RHOA: variants seen among roughly 807,000 people sequenced by gnomAD.
RHOA encodes ras homolog family member A, also known as transforming protein RhoA.
Under a neutral mutation model 17.5 loss-of-function variants are expected in RHOA, and 3 were observed. That is an observed-to-expected ratio of 0.17 (90% CI 0.08 to 0.44). RHOA has a LOEUF of 0.44. Among genes scored for constraint, RHOA ranks in the 20% least tolerant of loss-of-function variants. RHOA has a pLI of 0.99. For missense variants in RHOA, 56 were observed against 242.3 expected, an observed-to-expected ratio of 0.23 and a Z score of 5.10; for synonymous variants, 98 against 88.4, an observed-to-expected ratio of 1.11 and a Z score of -0.61.
chr3:49,383,614 T>G (rs761393883), intron 1 of RHOA, among the ~76,000 whole-genome samples: 2 of 152,110 alleles, frequency 1.3e-5, no homozygotes, highest in African/African-American at 2.4e-5. Flanking sequence ...CTCCATTCCT[T>G]CCGGGTGCTC....
At chr3:49,408,151 T>C (rs2048866378) in intron 1 of RHOA, among the ~76,000 whole-genome samples, 1 of 131,384 alleles carries the variant, frequency 7.6e-6, no homozygotes, top group South Asian at 2.6e-4. Flanking sequence ...AGAGTGAGAC[T>C]CAGTCTCAAA....
In RHOA at chr3:49,383,199, C is replaced by T. The variant is rs545019087; in HGVS notation, c.-2-7608G>A. Among the ~76,000 whole-genome samples the T allele has an allele frequency of 4.0e-5, 6 of 151,570 alleles. No homozygotes were observed. The East Asian group carries it at 9.8e-4, about 25-fold the overall frequency. On this transcript the variant is annotated intron_variant, in intron 1 of 4. Transcript: ENST00000418115. ...CTGTAATTCCAGCACTTTGGGAGGC[C>T]GAGGCGGGCAGATCACGAGGTCAGG...
At chr3:49,389,815 T>C (rs1028481581) in intron 1 of RHOA, among the ~76,000 whole-genome samples, 1 of 151,438 alleles carries the variant, frequency 6.6e-6, no homozygotes, top group Non-Finnish European at 1.5e-5. Context: ...CAGGTGCCTG[T>C]AGTCCCAGCT....
intron 3 of RHOA, among the ~76,000 whole-genome samples, chr3:49,366,087 T>C (rs1173798955): frequency 1.3e-5 from 2 of 152,044 alleles, no homozygotes; most frequent in African/African-American, 2.4e-5. Flanking sequence ...AGAGACAAAA[T>C]GTTTTGCTCT....
chr3:49,390,141 T>C (rs573370039), intron 1 of RHOA, among the ~76,000 whole-genome samples: 3 of 151,886 alleles, frequency 2.0e-5, no homozygotes, highest in East Asian at 3.9e-4. Context: ...CAGGAATTTT[T>C]TTTTTTTCTT....
intron 2 of RHOA, among the ~76,000 whole-genome samples, chr3:49,369,469 A>G (rs980051186): frequency 2.6e-5 from 4 of 151,820 alleles, no homozygotes; most frequent in Admixed American, 6.6e-5. Context: ...GCGGTGGCTC[A>G]TGCCTGTAAT....
intron 1 of RHOA, among the ~76,000 whole-genome samples, chr3:49,411,584 G>C (rs2048937010): frequency 6.6e-6 from 1 of 151,964 alleles, no homozygotes; most frequent in Middle Eastern, 3.2e-3. Context: ...CGGCCGGGCG[G>C]GGGAAGGGGC....
chr3:49,380,674 A>AAATAAT (rs199906304), intron 1 of RHOA, among the ~76,000 whole-genome samples: 1,549 of 137,516 alleles, frequency 0.011, 14 homozygotes, highest in South Asian at 0.021. Context: ...CTTGTCTCAA[A>AAATAAT]AATAATAATA....
chr3:49,382,864 G>C (rs1284271863), intron 1 of RHOA, among the ~76,000 whole-genome samples: 1 of 151,816 alleles, frequency 6.6e-6, no homozygotes, highest in Non-Finnish European at 1.5e-5. Flanking sequence ...AGACAAGCCT[G>C]ACCAACATGG....
intron 4 of RHOA, chr3:49,361,085 A>C (rs1336702461): frequency 3.7e-5 from 6 of 164,096 alleles, no homozygotes; most frequent in South Asian, 2.2e-4. Context: ...AAAAAACAAA[A>C]CAAAAAAAAA....
rs142442466 is a variant in RHOA at position 49,407,626 on chromosome 3, G to GT, written c.-3+4193dup. Among the ~76,000 whole-genome samples the GT allele has an allele frequency of 4.3e-3, 644 of 149,094 alleles. 6 individuals carry two copies. Among genetic ancestry groups the GT allele is most frequent in the African/African-American group, 0.014 (584 of 40,706 alleles). On this transcript the variant is annotated intron_variant, in intron 1 of 4. Coordinates refer to ENST00000418115, the MANE Select transcript of RHOA (RefSeq NM_001664.4). ...TCTACTCCTACTCACAGTGATTCTAGTTTTTTTTTTAATATCAGATCATGT... is the reference window on the plus strand; with the variant it reads ...TCTACTCCTACTCACAGTGATTCTAGTTTTTTTTTTTAATATCAGATCATGT...
chr3:49,361,077 A>C (rs1407026955), intron 4 of RHOA: 10 of 169,456 alleles, frequency 5.9e-5, no homozygotes, highest in Non-Finnish European at 1.2e-4. Flanking sequence ...CTTCTCAAAA[A>C]AAACAAAACA....
At chr3:49,368,322 T>A in intron 3 of RHOA, 106 bp downstream of exon 3, 7 of 1,395,568 alleles carry the variant, frequency 5.0e-6, no homozygotes, top group Non-Finnish European at 7.0e-6. Flanking sequence ...TGACGATGAT[T>A]GCTTCTCTGA....
chr3:49,407,232 G>GTTTTTTTTTT (rs61556875), intron 1 of RHOA, among the ~76,000 whole-genome samples: 7 of 70,020 alleles, frequency 1.0e-4, no homozygotes, highest in Non-Finnish European at 1.8e-4. Context: ...AATCCTTTCC[G>GTTTTTTTTTT]TTTTTTTTTT....
At chr3:49,406,164 T>G (rs2048829690) in intron 1 of RHOA, among the ~76,000 whole-genome samples, 1 of 152,152 alleles carries the variant, frequency 6.6e-6, no homozygotes, top group Non-Finnish European at 1.5e-5. Flanking sequence ...AAAAAAGCAT[T>G]AACAAAGTGT....
chr3:49,386,986 G>T (rs918450395), intron 1 of RHOA, among the ~76,000 whole-genome samples: 1 of 147,768 alleles, frequency 6.8e-6, no homozygotes, highest in African/African-American at 2.5e-5. Flanking sequence ...GCATGGTGGC[G>T]GGTGCCTGTA....
At chr3:49,408,287 A>G (rs893550924) in intron 1 of RHOA, among the ~76,000 whole-genome samples, 3 of 136,986 alleles carry the variant, frequency 2.2e-5, no homozygotes, top group Non-Finnish European at 4.7e-5. Flanking sequence ...CGTATACACA[A>G]GTATATATAC....
chr3:49,380,287 G>A (rs2048295575), intron 1 of RHOA, among the ~76,000 whole-genome samples: 1 of 152,158 alleles, frequency 6.6e-6, no homozygotes, highest in Admixed American at 6.6e-5. Flanking sequence ...GATCTTGGGA[G>A]CCACCATCTC....
chr3:49,378,835 A>G (rs1328682966), intron 1 of RHOA, among the ~76,000 whole-genome samples: 1 of 152,008 alleles, frequency 6.6e-6, no homozygotes, highest in Non-Finnish European at 1.5e-5. Context: ...GGCTCATGCA[A>G]TCCTCCCGAT....
Sources: allele counts gnomAD v4.1 joint callset (sites outside exome capture counted in the v4.1 genomes callset), GRCh38; gene constraint gnomAD v4.1.1; transcripts MANE v1.5; gene names NCBI Gene and HGNC (gene_info 2026-07-23, HGNC 2026-07-21).